PSORS1C1: variants seen among roughly 807,000 people sequenced by gnomAD.
PSORS1C1 encodes the protein psoriasis susceptibility 1 candidate 1, also known as psoriasis susceptibility 1 candidate gene 1 protein.
A neutral mutation model predicts 9.4 loss-of-function variants in PSORS1C1; 7 were observed. The ratio of observed to expected loss-of-function variants is 0.75; its 90% CI spans 0.42 to 1.40. PSORS1C1 has a LOEUF of 1.40. Ranked by LOEUF, PSORS1C1 falls within the 40% of genes most tolerant of loss-of-function variation. The pLI, the probability that PSORS1C1 is intolerant of heterozygous loss-of-function variation, is 0.01. For synonymous variants in PSORS1C1, 63 were observed against 69.4 expected (o/e 0.91, Z 0.46); for missense variants, 146 against 178.1 (o/e 0.82, Z 1.02).
Position 31,139,547 on chromosome 6 carries a change from A to G in PSORS1C1, c.168-94A>G. 1 of 1,290,346 alleles carries G rather than the reference A, an allele frequency of 7.7e-7. No homozygotes were observed. 79.9% of individuals were successfully genotyped at this position (1,290,346 alleles called of 1,614,324 possible). A position where few individuals can be genotyped will look rare whatever the true frequency, so the allele number is the denominator to read the frequency against. On this transcript the variant is annotated intron_variant, in intron 5 of 5. Coordinates refer to ENST00000259881, the MANE Select transcript of PSORS1C1 (RefSeq NM_014068.3). This position sits in a 1 kb window ranked among gnomAD's most constrained non-coding sequence, Gnocchi z 5.2. ...CCCCAGCCTCCCCACTCACCCCCGC[A>G]CTGAAAGCTCCCCCTGGGGCTTCGT...
intron 1 of PSORS1C1, chr6:31,117,185 T>C: frequency 1.2e-6 from 2 of 1,611,906 alleles, no homozygotes; most frequent in South Asian, 1.1e-5. Flanking sequence ...TGAGAGCCGC[T>C]GTTTCCCGAG....
At chr6:31,133,576 A>G (rs1773014809) in intron 3 of PSORS1C1, 1 of 152,316 alleles carries the variant, frequency 6.6e-6, no homozygotes, top group African/African-American at 2.4e-5. Flanking sequence ...CCCTCCTCCC[A>G]GAAGCCTCCC....
rs138538665 is a variant in PSORS1C1 at position 31,126,646 on chromosome 6, G to A, written c.-65+807G>A. 2.2e-3 allele frequency among the ~76,000 whole-genome samples: 329 copies of A among 152,296 alleles called. 6 individuals are homozygous for A. Among genetic ancestry groups the A allele is most frequent in the Middle Eastern group, 0.014 (4 of 294 alleles). On this transcript the variant is annotated intron_variant, in intron 2 of 5. Coordinates refer to ENST00000259881, the MANE Select transcript of PSORS1C1 (RefSeq NM_014068.3). ...CCTCCCAGCAGCCCTGCCAGCCTCC[G>A]ACGGGCCCAGGGCACTGCAGCCGGC...
At chr6:31,121,343 G>A (rs1772453363) in intron 1 of PSORS1C1, among the ~76,000 whole-genome samples, 1 of 152,172 alleles carries the variant, frequency 6.6e-6, no homozygotes, top group African/African-American at 2.4e-5. Flanking sequence ...GAAGGTGGTG[G>A]CCCCATAGCC....
rs9278990 is a variant in PSORS1C1 at position 31,138,723 on chromosome 6, TC to T, written c.118del (p.His40ThrfsTer25). ...CAGATCCCAGCTCCGAGGAAACTCG[TC>T]CCCCCCACGTTAATCCTGACCGACT... The part of the protein sequence containing the change: ...NTDPSSEETR[P>X]PHVNPDRLCH... On this transcript the variant is annotated frameshift_variant, in exon 5 of 6. Coordinates refer to ENST00000259881, the MANE Select transcript of PSORS1C1 (RefSeq NM_014068.3). LOFTEE classifies it high-confidence loss of function. The T allele has an allele frequency of 0.13, 202,806 of 1,612,890 alleles. 13,529 individuals carry two copies. The highest frequency in any genetic ancestry group is 0.17 in the African/African-American group (12,475 of 74,634).
chr6:31,139,285 C>G lies in PSORS1C1; in HGVS notation c.168-356C>G, dbSNP rs1773327374. ...GACCCAGAGCCTGCGTCACCCCACC[C>G]TGGTTTTCACACCCTCCATCCACAT... On this transcript the variant is annotated intron_variant, in intron 5 of 5. Coordinates refer to ENST00000259881, the MANE Select transcript of PSORS1C1 (RefSeq NM_014068.3). This position sits in a 1 kb window ranked among gnomAD's most constrained non-coding sequence, Gnocchi z 5.2. 1 of 577,616 alleles carries G rather than the reference C, an allele frequency of 1.7e-6. No individual in the cohort carries two copies. Among genetic ancestry groups the G allele is most frequent in the Non-Finnish European group, 3.1e-6 (1 of 325,008 alleles). The allele number at this position is 577,616 out of a possible 1,614,324, so 35.8% of individuals were successfully genotyped here. A position where few individuals can be genotyped will look rare whatever the true frequency, so the allele number is the denominator to read the frequency against.
At position 31,139,632 on chromosome 6, in the gene PSORS1C1, C is replaced by T; in HGVS notation, c.168-9C>T. The T allele has an allele frequency of 1.2e-6, 2 of 1,609,336 alleles. No homozygotes were observed. The highest frequency in any genetic ancestry group is 1.7e-6 in the Non-Finnish European group (2 of 1,177,130). ...CAGGCATCCTGCTCTCCACCATGTC[C>T]TTCTTCAGGCATGCAGGGGACCTCC... On this transcript the variant is annotated splice_polypyrimidine_tract_variant and intron_variant, in intron 5 of 5. Transcript: ENST00000259881. This position sits in a 1 kb window ranked among gnomAD's most constrained non-coding sequence, Gnocchi z 5.2.
Position 31,115,748 on chromosome 6 carries a change from G to A in PSORS1C1, c.-229+857G>A. ...ACAGTAGAGGGAATTGTAAGGGGTG[G>A]TGATCTGGCTGAGGGGCACTGTGGT... is the stretch of plus-strand genomic sequence containing the variant. On this transcript the variant is annotated intron_variant, in intron 1 of 5. Transcript: ENST00000259881. This position sits in a 1 kb window ranked among gnomAD's most constrained non-coding sequence, Gnocchi z 4.2. The A allele has an allele frequency of 1.9e-6, 1 of 519,246 alleles. No individual in the cohort carries two copies. Among genetic ancestry groups the A allele is most frequent in the Non-Finnish European group, 3.4e-6 (1 of 292,912 alleles). The allele number at this position is 519,246 out of a possible 1,614,324, so 32.2% of individuals were successfully genotyped here.
chr6:31,123,179 C>T (rs866901983), intron 1 of PSORS1C1, among the ~76,000 whole-genome samples: 4 of 152,214 alleles, frequency 2.6e-5, no homozygotes, highest in East Asian at 3.9e-4. Flanking sequence ...GGTGCAGCCA[C>T]GTCCCTCCTC....
chr6:31,117,839 C>T (rs1772251633), intron 1 of PSORS1C1: 4 of 385,680 alleles, frequency 1.0e-5, no homozygotes, highest in Admixed American at 4.1e-5. Flanking sequence ...TGGCTCACGC[C>T]GGTAATCCCA....
chr6:31,132,848 T>C (rs1245964026), intron 3 of PSORS1C1, among the ~76,000 whole-genome samples: 1 of 140,370 alleles, frequency 7.1e-6, no homozygotes, highest in Admixed American at 7.1e-5. Context: ...GACCCTGTCT[T>C]AAAAAAAAAA....
chr6:31,123,739 T>G (rs1337894170), intron 1 of PSORS1C1, among the ~76,000 whole-genome samples: 1 of 152,262 alleles, frequency 6.6e-6, no homozygotes, highest in Non-Finnish European at 1.5e-5. Flanking sequence ...CTGCTGTGTT[T>G]GCTGTGCCAG....
rs1772654723 is a variant in PSORS1C1, at chr6:31,125,773, G to A, written c.-131G>A. On this transcript the variant is annotated 5_prime_UTR_variant, in exon 2 of 6. Transcript: ENST00000259881. ...CCAGCCATCTATGCAGCGCCCCAGT[G>A]GCTTTGAAATGCAACAGAAACCATC... 1 of 152,286 alleles carries A rather than the reference G, an allele frequency of 6.6e-6. No individual in the cohort carries two copies. Among genetic ancestry groups the A allele is most frequent in the African/African-American group, 2.4e-5 (1 of 41,452 alleles). 9.4% of individuals were successfully genotyped at this position (152,286 alleles called of 1,614,324 possible). A position where few individuals can be genotyped will look rare whatever the true frequency, so the allele number is the denominator to read the frequency against.
intron 1 of PSORS1C1, among the ~76,000 whole-genome samples, chr6:31,125,205 G>A (rs1335667080): frequency 6.6e-6 from 1 of 152,168 alleles, no homozygotes; most frequent in African/African-American, 2.4e-5. Flanking sequence ...AAGGAAAGGG[G>A]CCACCCAGAG....
intron 3 of PSORS1C1, among the ~76,000 whole-genome samples, chr6:31,136,647 G>T (rs554220424): frequency 7.2e-5 from 11 of 152,202 alleles, no homozygotes; most frequent in Non-Finnish European, 1.3e-4. Flanking sequence ...AAACAGAGAT[G>T]AAACTTGCCT....
chr6:31,134,357 C>T (rs1047245324), intron 3 of PSORS1C1, among the ~76,000 whole-genome samples: 5 of 151,732 alleles, frequency 3.3e-5, no homozygotes, highest in Admixed American at 3.3e-4. Context: ...GGCTGGAGTG[C>T]AGTGGCACGA....
chr6:31,119,907 C>CA (rs34300678), intron 1 of PSORS1C1, among the ~76,000 whole-genome samples: 3 of 150,798 alleles, frequency 2.0e-5, no homozygotes, highest in Admixed American at 6.6e-5. Context: ...CTCCATCTCA[C>CA]AAAAAAAAAT....
chr6:31,132,242 C>T (rs1447767833), intron 3 of PSORS1C1, among the ~76,000 whole-genome samples: 2 of 151,954 alleles, frequency 1.3e-5, no homozygotes, highest in African/African-American at 4.8e-5. Flanking sequence ...AATAAATAGG[C>T]CAGGCACAGT....
At chr6:31,119,518 C>G (rs9263670) in intron 1 of PSORS1C1, among the ~76,000 whole-genome samples, 118,959 of 152,016 alleles carry the variant, frequency 0.78, 47,180 homozygotes, top group African/African-American at 0.9. Context: ...TCTTGAGCTA[C>G]TTTCCTAACT....
Sources: allele counts gnomAD v4.1 joint callset (sites outside exome capture counted in the v4.1 genomes callset), GRCh38; gene constraint gnomAD v4.1.1; non-coding constraint Gnocchi (gnomAD v3.1); transcripts MANE v1.5; gene names NCBI Gene and HGNC (gene_info 2026-07-23, HGNC 2026-07-21).